Variants in ZNF407 observed in about 807,000 individuals in gnomAD.
The protein encoded by ZNF407 is zinc finger protein 407.
A neutral mutation model predicts 131.2 loss-of-function variants in ZNF407; 17 were observed. The observed-to-expected ratio is 0.13, with a 90% CI of 0.09 to 0.19. The LOEUF (loss-of-function observed/expected upper bound fraction) is 0.19, where lower values mean the gene tolerates loss of function less well. ZNF407 is among the 10% of genes least tolerant of loss of function. ZNF407 has a pLI of 1.00. For missense variants in ZNF407, 2,681 were observed against 2,830.6 expected (o/e 0.95, Z 1.20); for synonymous variants, 1,156 against 1,062.0 (o/e 1.09, Z -1.72).
At chr18:74,682,421 G>A (rs1009482473) in intron 3 of ZNF407, among the ~76,000 whole-genome samples, 2 of 152,164 alleles carry the variant, frequency 1.3e-5, no homozygotes, top group African/African-American at 4.8e-5. Flanking sequence ...TGGTACTTCA[G>A]CTTCGTAGTA....
intron 8 of ZNF407, among the ~76,000 whole-genome samples, chr18:74,983,342 G>A (rs893832713): frequency 6.6e-6 from 1 of 152,162 alleles, no homozygotes; most frequent in Non-Finnish European, 1.5e-5. Flanking sequence ...ATCTTAGGCT[G>A]TGTAAGCCAT....
chr18:74,877,822 A>G (rs1465331640), intron 5 of ZNF407, among the ~76,000 whole-genome samples: 1 of 152,246 alleles, frequency 6.6e-6, no homozygotes, highest in Non-Finnish European at 1.5e-5. Context: ...CTGTTACCAC[A>G]TGAATATTTT....
intron 8 of ZNF407, among the ~76,000 whole-genome samples, chr18:74,977,465 C>T (rs892611621): frequency 6.6e-6 from 1 of 152,166 alleles, no homozygotes; most frequent in Non-Finnish European, 1.5e-5. Context: ...TGTTTCATGG[C>T]GATGTTTAGT....
At chr18:74,772,023 A>G (rs1263845065) in intron 3 of ZNF407, among the ~76,000 whole-genome samples, 2 of 152,186 alleles carry the variant, frequency 1.3e-5, no homozygotes, top group South Asian at 2.1e-4. Context: ...ATAATCTTTC[A>G]TTAGGCAAGA....
chr18:74,821,338 G>T (rs1970337477), intron 4 of ZNF407, among the ~76,000 whole-genome samples: 1 of 151,834 alleles, frequency 6.6e-6, no homozygotes, highest in Admixed American at 6.6e-5. Context: ...TGTTACATAG[G>T]TATACACATG....
At chr18:74,876,230 G>A (rs934463667) in intron 4 of ZNF407, among the ~76,000 whole-genome samples, 4 of 152,294 alleles carry the variant, frequency 2.6e-5, no homozygotes, top group African/African-American at 9.6e-5. Context: ...CAGCTTGCCA[G>A]ACACTATCTT....
intron 8 of ZNF407, among the ~76,000 whole-genome samples, chr18:75,011,145 C>T (rs929826053): frequency 2.0e-5 from 3 of 152,032 alleles, no homozygotes; most frequent in Non-Finnish European, 2.9e-5. Context: ...TTTTCTTACT[C>T]GATATTTTAA....
At chr18:74,652,330 A>C (rs901780638) in intron 3 of ZNF407, among the ~76,000 whole-genome samples, 2 of 152,090 alleles carry the variant, frequency 1.3e-5, no homozygotes, top group Non-Finnish European at 2.9e-5. Context: ...TTCTAGAAAT[A>C]AAGGGTTTTA....
rs751117874 is a variant in ZNF407 at position 74,633,008 on chromosome 18, G to C, written c.1989G>C (p.Leu663Phe). Reference protein sequence around the residue: ...NSDLVLQTLPLSTLESENAKE... With the variant: ...NSDLVLQTLPFSTLESENAKE... Reference sequence around the variant, plus strand: ...ATTTGGTTTTACAGACTTTACCTTTGAGTACTTTAGAATCAGAAAACGCAA... The same window carrying C: ...ATTTGGTTTTACAGACTTTACCTTTCAGTACTTTAGAATCAGAAAACGCAA... The change falls in exon 2 of 9, where the codon TTG (leucine) becomes TTC (phenylalanine). Residue 663 changes from leucine (L) to phenylalanine (F), a missense_variant. This residue lies in a region of ZNF407 where 1,789 missense variants were observed against 1,748.7 expected (regional missense o/e 1.02). Coordinates refer to ENST00000299687, the MANE Select transcript of ZNF407 (RefSeq NM_017757.3). 3.1e-6 allele frequency: 5 copies of C among 1,613,498 alleles called. No homozygotes were observed. The African/African-American group carries it at 4.0e-5, about 13-fold the overall frequency.
intron 4 of ZNF407, among the ~76,000 whole-genome samples, chr18:74,852,737 G>A (rs1349073706): frequency 6.6e-6 from 1 of 152,106 alleles, no homozygotes; most frequent in African/African-American, 2.4e-5. Flanking sequence ...GTGTAAGGTG[G>A]TAGCCAAGAA....
rs867116641 is a variant in ZNF407, at chr18:74,868,537, G to T, written c.4878-8660G>T. Reference sequence around the variant, plus strand: ...AAAGCCAAACTTCTTTAATTATCAAGAACATTTTAATCTGACTTTTAAAAT... The same window carrying T: ...AAAGCCAAACTTCTTTAATTATCAATAACATTTTAATCTGACTTTTAAAAT... On this transcript the variant is annotated intron_variant, in intron 4 of 8. Transcript: ENST00000299687. Among the ~76,000 whole-genome samples, 7 of 152,270 alleles carry T rather than the reference G, an allele frequency of 4.6e-5. No individual in the cohort carries two copies. The Middle Eastern group carries it at 0.024, about 518-fold the overall frequency.
Position 75,063,123 on chromosome 18 carries a change from G to C in ZNF407, c.5429-27G>C, listed in dbSNP as rs747063209. 8 of 1,532,094 alleles carry C rather than the reference G, an allele frequency of 5.2e-6. No individual in the cohort carries two copies. Among genetic ancestry groups the C allele is most frequent in the Non-Finnish European group, 6.2e-6 (7 of 1,138,148 alleles). 94.9% of individuals were successfully genotyped at this position (1,532,094 alleles called of 1,614,324 possible). A position where few individuals can be genotyped will look rare whatever the true frequency, so the allele number is the denominator to read the frequency against. Reference sequence around the variant, plus strand: ...GTAAGCCTACGAGTACTTTTTCCAGGCTCTAACTGGTCCCTGTCTCCCTTA... The same window carrying C: ...GTAAGCCTACGAGTACTTTTTCCAGCCTCTAACTGGTCCCTGTCTCCCTTA... On this transcript the variant is annotated intron_variant, in intron 8 of 8. Coordinates refer to ENST00000299687, the MANE Select transcript of ZNF407 (RefSeq NM_017757.3). This position sits in a 1 kb window ranked among gnomAD's most constrained non-coding sequence, Gnocchi z 6.6.
At chr18:75,025,503 T>A (rs1973160503) in intron 8 of ZNF407, among the ~76,000 whole-genome samples, 2 of 152,220 alleles carry the variant, frequency 1.3e-5, no homozygotes, top group Non-Finnish European at 2.9e-5. Context: ...GTGCTCCATG[T>A]TGATTTTGGA....
At chr18:74,899,215 C>G (rs1435480886) in intron 7 of ZNF407, among the ~76,000 whole-genome samples, 2 of 152,146 alleles carry the variant, frequency 1.3e-5, no homozygotes, top group Non-Finnish European at 2.9e-5. Flanking sequence ...TGGTGCAGTA[C>G]AAATAATGAG....
chr18:74,645,849 GT>G (rs889767140), intron 3 of ZNF407, among the ~76,000 whole-genome samples: 6 of 152,096 alleles, frequency 3.9e-5, no homozygotes, highest in African/African-American at 9.7e-5. Context: ...TGCCTGTCAT[GT>G]TTTCAACAAC....
intron 1 of ZNF407, among the ~76,000 whole-genome samples, chr18:74,626,174 A>G (rs1351976789): frequency 2.0e-5 from 3 of 152,234 alleles, no homozygotes; most frequent in South Asian, 2.1e-4. Flanking sequence ...GATTAAAACC[A>G]TACATACTAG....
intron 8 of ZNF407, among the ~76,000 whole-genome samples, chr18:74,981,464 C>T (rs1972592586): frequency 1.3e-5 from 2 of 152,182 alleles, no homozygotes; most frequent in African/African-American, 2.4e-5. Flanking sequence ...AAGAAGCTTA[C>T]GATCTGTTCC....
intron 8 of ZNF407, among the ~76,000 whole-genome samples, chr18:75,031,692 C>T (rs538905750): frequency 6.6e-6 from 1 of 152,238 alleles, no homozygotes; most frequent in South Asian, 2.1e-4. Context: ...TTAGCACAGG[C>T]TAGATTAGCC....
At chr18:74,923,850 G>A (rs1012527021) in intron 8 of ZNF407, among the ~76,000 whole-genome samples, 1 of 151,958 alleles carries the variant, frequency 6.6e-6, no homozygotes, top group African/African-American at 2.4e-5. Flanking sequence ...TTTATCTGCT[G>A]GGGCAGTTTT....
Sources: gnomAD v4.1 joint callset for allele counts (sites outside exome capture counted in the v4.1 genomes callset) on GRCh38, gnomAD v4.1.1 for gene constraint, gnomAD v4.1.1 regional missense constraint, Gnocchi (gnomAD v3.1) non-coding constraint, MANE v1.5 for transcripts, NCBI Gene and HGNC (gene_info 2026-07-23, HGNC 2026-07-21) for gene names.